Variants in EPS15 observed in about 807,000 individuals in gnomAD.
EPS15 encodes epidermal growth factor receptor pathway substrate 15.
EPS15 carries 72 observed loss-of-function variants against 113.8 expected under a neutral mutation model. The observed-to-expected ratio is 0.63, with a 90% confidence interval of 0.52 to 0.77. EPS15 has a LOEUF of 0.77. EPS15 is among the 30% of genes least tolerant of loss of function. The pLI, the probability that EPS15 is intolerant of heterozygous loss-of-function variation, is 0.00. For missense variants in EPS15, 1,048 were observed against 1,045.8 expected (o/e 1.00, Z -0.03); for synonymous variants, 344 against 363.4 (o/e 0.95, Z 0.61).
chr1:51,504,555 C>A (rs991427435), intron 1 of EPS15, among the ~76,000 whole-genome samples: 1 of 151,946 alleles, frequency 6.6e-6, no homozygotes, highest in Non-Finnish European at 1.5e-5. Context: ...AGAATTCTTA[C>A]AACTCAATAA....
intron 12 of EPS15, among the ~76,000 whole-genome samples, chr1:51,426,880 T>TATAC (rs1243012777): frequency 1.3e-5 from 2 of 151,640 alleles, no homozygotes; most frequent in Non-Finnish European, 2.9e-5. Flanking sequence ...TATACACATA[T>TATAC]ATACACACAC....
intron 2 of EPS15, among the ~76,000 whole-genome samples, chr1:51,473,770 T>C (rs1184847077): frequency 6.6e-6 from 1 of 152,228 alleles, no homozygotes; most frequent in African/African-American, 2.4e-5. Context: ...TTAAGTTTAC[T>C]GTAAACATAT....
chr1:51,358,709 G>GTTTTTTTTTTTT (rs71063028), intron 24 of EPS15, among the ~76,000 whole-genome samples: 22 of 121,374 alleles, frequency 1.8e-4, no homozygotes, highest in Non-Finnish European at 3.0e-4. Context: ...GTTTTTTTTT[G>GTTTTTTTTTTTT]TTTTTTTTTT....
At chr1:51,477,776 C>A (rs988028883) in intron 2 of EPS15, among the ~76,000 whole-genome samples, 2 of 152,194 alleles carry the variant, frequency 1.3e-5, no homozygotes, top group Non-Finnish European at 1.5e-5. Context: ...GAGTGAGTTT[C>A]TTAATCCTGA....
intron 12 of EPS15, among the ~76,000 whole-genome samples, chr1:51,427,230 A>G (rs1651301891): frequency 6.6e-6 from 1 of 152,198 alleles, no homozygotes; most frequent in African/African-American, 2.4e-5. Context: ...ATGAATATCT[A>G]CTTTACAAAC....
At chr1:51,505,306 AAACAAAATGT>A (rs2148556535) in intron 1 of EPS15, among the ~76,000 whole-genome samples, 1 of 152,362 alleles carries the variant, frequency 6.6e-6, no homozygotes, top group East Asian at 1.9e-4. Context: ...ACAAATGGAA[AAACAAAATGT>A]GGTATAACCA....
rs116262174 is a variant in EPS15 at position 51,427,266 on chromosome 1, G to A, written c.1041-5408C>T. On this transcript the variant is annotated intron_variant, in intron 12 of 24. Coordinates refer to ENST00000371733, the MANE Select transcript of EPS15 (RefSeq NM_001981.3). ...CATATATGGGATTGCTATGAAGAGCGATAGGGAAAATACACAATAAAACCT... is the reference window on the plus strand; with the variant it reads ...CATATATGGGATTGCTATGAAGAGCAATAGGGAAAATACACAATAAAACCT... 8.6e-3 allele frequency among the ~76,000 whole-genome samples: 1,308 copies of A among 152,252 alleles called. 17 individuals carry two copies. Among genetic ancestry groups the A allele is most frequent in the African/African-American group, 0.03 (1,242 of 41,528 alleles).
Position 51,481,020 on chromosome 1 carries a change from G to C in EPS15, c.75+253C>G, listed in dbSNP as rs1341747692. ...TAAGAATTTGGAATATTTATATCTG[G>C]ATAAATCTATCAAATGTATACATTT... On this transcript the variant is annotated intron_variant, in intron 2 of 24. Coordinates refer to ENST00000371733, the MANE Select transcript of EPS15 (RefSeq NM_001981.3). Among the ~76,000 whole-genome samples, 4 of 152,176 alleles carry C rather than the reference G, an allele frequency of 2.6e-5. No individual in the cohort carries two copies. In the East Asian group the frequency reaches 7.7e-4, roughly 29 times the overall value.
At chr1:51,395,484 G>A (rs909816180) in intron 20 of EPS15, among the ~76,000 whole-genome samples, 3 of 151,718 alleles carry the variant, frequency 2.0e-5, no homozygotes, top group African/African-American at 7.3e-5. Flanking sequence ...TCTGCATTCT[G>A]ACCCTCAGAG....
At chr1:51,512,527 T>C (rs759303060) in intron 1 of EPS15, among the ~76,000 whole-genome samples, 43 of 151,990 alleles carry the variant, frequency 2.8e-4, no homozygotes, top group Admixed American at 1.8e-3. Flanking sequence ...TGCAAAGGAT[T>C]TTGCAAAGAA....
Position 51,443,868 on chromosome 1 carries a change from G to C in EPS15, c.954+1021C>G, listed in dbSNP as rs1436661634. On this transcript the variant is annotated intron_variant, in intron 11 of 24. Coordinates refer to ENST00000371733, the MANE Select transcript of EPS15 (RefSeq NM_001981.3). Reference sequence around the variant, plus strand: ...GACAGGGTCTTGCTATGTTGCCCAGGAACTCCTGGCCTCAAGTGATCCTCC... The same window carrying C: ...GACAGGGTCTTGCTATGTTGCCCAGCAACTCCTGGCCTCAAGTGATCCTCC... 3.3e-5 allele frequency among the ~76,000 whole-genome samples: 5 copies of C among 152,000 alleles called. No homozygotes were observed. The East Asian group carries it at 9.7e-4, about 29-fold the overall frequency.
At chr1:51,382,441 CAG>C (rs1446490038) in intron 21 of EPS15, 4 of 133,516 alleles carry the variant, frequency 3.0e-5, no homozygotes, top group Non-Finnish European at 1.6e-5. Context: ...TTTTTTGAGA[CAG>C]AGTCTCGCTT....
At chr1:51,478,801 G>T (rs1051396713) in intron 2 of EPS15, among the ~76,000 whole-genome samples, 4 of 152,284 alleles carry the variant, frequency 2.6e-5, no homozygotes, top group East Asian at 1.9e-4. Flanking sequence ...TCTTCTGGCT[G>T]GTAGAGTTTC....
At chr1:51,442,354 A>AC (rs1319107951) in intron 11 of EPS15, among the ~76,000 whole-genome samples, 2 of 152,130 alleles carry the variant, frequency 1.3e-5, no homozygotes, top group Non-Finnish European at 2.9e-5. Flanking sequence ...ACTTGTGACT[A>AC]CCACATCTCC....
At chr1:51,505,455 A>G (rs1395007734) in intron 1 of EPS15, among the ~76,000 whole-genome samples, 1 of 152,230 alleles carries the variant, frequency 6.6e-6, no homozygotes, top group East Asian at 1.9e-4. Flanking sequence ...ATTCATACAA[A>G]GTCCAGAATA....
intron 1 of EPS15, among the ~76,000 whole-genome samples, chr1:51,508,299 AG>A (rs1489755678): frequency 1.6e-5 from 2 of 127,946 alleles, no homozygotes; most frequent in Non-Finnish European, 3.2e-5. Flanking sequence ...AAAGAGAGAG[AG>A]AGAAAGAGAG....
rs200286236 is a variant in EPS15 at position 51,461,130 on chromosome 1, A to C, written c.522T>G (p.Ile174Met). 6.2e-7 allele frequency: 1 copy of C among 1,603,402 alleles called. No homozygotes were observed. The highest frequency in any genetic ancestry group is 8.5e-7 in the Non-Finnish European group (1 of 1,170,274). Residue 174 changes from isoleucine (I) to methionine (M), a missense_variant, in exon 8 of 25, where the codon ATT becomes ATG. Physicochemically the swap from Ile to Met is conservative, Grantham distance 10 (BLOSUM62 1). Coordinates refer to ENST00000371733, the MANE Select transcript of EPS15 (RefSeq NM_001981.3). ...CTCTGTCAAGCATTCCATCATGGTCAATATCACTCAACTCCCAAACCTTAA... is the reference window on the plus strand; with the variant it reads ...CTCTGTCAAGCATTCCATCATGGTCCATATCACTCAACTCCCAAACCTTAA... ...ILGRVWELSDIDHDGMLDRDE... is the reference protein window; with the variant it reads ...ILGRVWELSDMDHDGMLDRDE...
intron 1 of EPS15, among the ~76,000 whole-genome samples, chr1:51,513,667 A>G (rs973340106): frequency 5.3e-5 from 8 of 152,170 alleles, no homozygotes; most frequent in African/African-American, 1.7e-4. Flanking sequence ...ATAAAACCTA[A>G]GTCCCAAATT....
chr1:51,508,270 G>A (rs191812313), intron 1 of EPS15, among the ~76,000 whole-genome samples: 8,216 of 118,842 alleles, frequency 0.069, 370 homozygotes, highest in African/African-American at 0.083. Flanking sequence ...GAGAGAGAGA[G>A]AGAAAGAGAG....
Sources: allele counts gnomAD v4.1 joint callset (sites outside exome capture counted in the v4.1 genomes callset), GRCh38; gene constraint gnomAD v4.1.1; transcripts MANE v1.5; gene names NCBI Gene and HGNC (gene_info 2026-07-23, HGNC 2026-07-21).